Variants in TG observed in about 807,000 individuals in gnomAD.
TG encodes thyroglobulin, also known as thyroid hormones.
Under a neutral mutation model 324.7 loss-of-function variants are expected in TG, and 270 were observed. That is an observed-to-expected ratio of 0.83 (90% CI 0.75 to 0.92). TG has a LOEUF of 0.92. TG is among the 40% of genes least tolerant of loss of function. The pLI is 0.00. For missense variants in TG, 3,591 were observed against 3,456.4 expected, an observed-to-expected ratio of 1.04 and a Z score of -0.98; for synonymous variants, 1,401 against 1,327.0, an observed-to-expected ratio of 1.06 and a Z score of -1.21.
chr8:133,015,571 T>C (rs780941592), intron 37 of TG, among the ~76,000 whole-genome samples: 8 of 152,246 alleles, frequency 5.3e-5, no homozygotes, highest in Non-Finnish European at 1.2e-4. Flanking sequence ...ACCACTGCCA[T>C]GGGAAAGCAG....
intron 41 of TG, among the ~76,000 whole-genome samples, chr8:133,044,059 G>A (rs1337823559): frequency 6.6e-6 from 1 of 152,142 alleles, no homozygotes; most frequent in Non-Finnish European, 1.5e-5. Flanking sequence ...GGAACTACTA[G>A]TGTCTGCCTG....
intron 29 of TG, among the ~76,000 whole-genome samples, chr8:132,965,429 A>G (rs962378353): frequency 1.3e-5 from 2 of 152,220 alleles, no homozygotes; most frequent in African/African-American, 2.4e-5. Flanking sequence ...CTACAAGGAA[A>G]GTGCAGGGCC....
At chr8:132,948,660 C>T in intron 26 of TG, 116 bp from the exon 27 acceptor site, 1 of 1,118,510 alleles carries the variant, frequency 8.9e-7, no homozygotes, top group Non-Finnish European at 1.4e-6. Flanking sequence ...GTGTCTATGT[C>T]TTCTCCTGAG....
chr8:133,008,065 G>C (rs936024149), intron 35 of TG, among the ~76,000 whole-genome samples: 1 of 151,910 alleles, frequency 6.6e-6, no homozygotes, highest in African/African-American at 2.4e-5. Flanking sequence ...AAATATAATG[G>C]AATAATATCA....
At chr8:133,122,452 G>A (rs188129449) in intron 45 of TG, among the ~76,000 whole-genome samples, 1 of 152,290 alleles carries the variant, frequency 6.6e-6, no homozygotes, top group East Asian at 1.9e-4. Flanking sequence ...GAGCCAGTGA[G>A]TAGCAGTCTG....
chr8:133,133,802 T>C (rs1852135700), intron 47 of TG, 142 bp downstream of exon 47: 1 of 988,328 alleles, frequency 1.0e-6, no homozygotes, highest in African/African-American at 1.6e-5. Context: ...CTGTGAGTTG[T>C]TCATGGTCTG....
chr8:132,911,384 C>A lies in TG; in HGVS notation c.4010C>A (p.Thr1337Asn), dbSNP rs746111334. The A allele has an allele frequency of 1.2e-6, 2 of 1,614,190 alleles. No individual in the cohort carries two copies. Among genetic ancestry groups the A allele is most frequent in the Non-Finnish European group, 1.7e-6 (2 of 1,180,036 alleles). ...ARGFCQIQVK[T>N]FGTLVSIPVC... Reference sequence around the variant, plus strand: ...GTGTCTGTCTTCTTGTAGGTGAAGACTTTTGGCACCCTGGTTTCCATTCCT... The same window carrying A: ...GTGTCTGTCTTCTTGTAGGTGAAGAATTTTGGCACCCTGGTTTCCATTCCT... The change falls in exon 19 of 48, where the codon ACT becomes AAT. Residue 1337 changes from threonine to asparagine, a missense_variant. By Grantham distance (65) the Thr-to-Asn change is moderately conservative. Coordinates refer to ENST00000220616, the MANE Select transcript of TG (RefSeq NM_003235.5).
At position 132,887,429 on chromosome 8, in the gene TG, C is replaced by G; in HGVS notation, c.2057C>G (p.Ala686Gly). 6.2e-7 allele frequency: 1 copy of G among 1,614,148 alleles called. No individual in the cohort carries two copies. The highest frequency in any genetic ancestry group is 2.2e-5 in the East Asian group (1 of 44,872). The change falls in exon 9 of 48, where the codon GCT (alanine) becomes GGT (glycine). Residue 686 changes from alanine (A) to glycine (G), a missense_variant. Physicochemically the swap from Ala to Gly is moderately conservative, Grantham distance 60. Transcript: ENST00000220616. ...GCTGGCTCCACCTTGTTTGTCCCTGCTTGTACTAGTGAGGGACATTTCCTG... is the reference window on the plus strand; with the variant it reads ...GCTGGCTCCACCTTGTTTGTCCCTGGTTGTACTAGTGAGGGACATTTCCTG... ...QPAGSTLFVPACTSEGHFLPV... is the reference protein window; with the variant it reads ...QPAGSTLFVPGCTSEGHFLPV...
chr8:132,896,175 G>A (rs1817071411), intron 11 of TG, among the ~76,000 whole-genome samples: 1 of 152,244 alleles, frequency 6.6e-6, no homozygotes, highest in East Asian at 1.9e-4. Flanking sequence ...GTCTTGTTAG[G>A]TGAGTGTTAG....
intron 34 of TG, among the ~76,000 whole-genome samples, chr8:132,980,720 G>GTAGT (rs1455981419): frequency 5.3e-5 from 8 of 152,116 alleles, no homozygotes; most frequent in African/African-American, 1.9e-4. Context: ...TGAAATCCAG[G>GTAGT]TAGTTAGTGT....
intron 20 of TG, among the ~76,000 whole-genome samples, chr8:132,917,067 T>TTCCG: frequency 7.6e-6 from 1 of 131,960 alleles, no homozygotes; most frequent in Non-Finnish European, 1.6e-5. Flanking sequence ...CCTTCCTTCC[T>TTCCG]TCCTTCCTTC....
intron 27 of TG, among the ~76,000 whole-genome samples, chr8:132,953,025 G>A (rs1482076640): frequency 6.6e-6 from 1 of 152,168 alleles, no homozygotes; most frequent in Non-Finnish European, 1.5e-5. Context: ...AAAATTAAGG[G>A]GTCTCCGGTA....
intron 5 of TG, among the ~76,000 whole-genome samples, chr8:132,876,330 G>A (rs1813792797): frequency 6.6e-6 from 1 of 152,178 alleles, no homozygotes; most frequent in African/African-American, 2.4e-5. Flanking sequence ...GTCGGGGGGA[G>A]TCAAGAATGA....
intron 20 of TG, among the ~76,000 whole-genome samples, chr8:132,915,474 G>T (rs956975187): frequency 1.3e-5 from 2 of 152,180 alleles, no homozygotes; most frequent in Non-Finnish European, 2.9e-5. Flanking sequence ...AAAGAGTAGG[G>T]CCTGGGAATC....
chr8:133,009,396 C>T (rs1834298757), intron 35 of TG, among the ~76,000 whole-genome samples: 1 of 152,142 alleles, frequency 6.6e-6, no homozygotes, highest in Non-Finnish European at 1.5e-5. Flanking sequence ...GAAGACACAT[C>T]TCCTGAGTCT....
intron 8 of TG, among the ~76,000 whole-genome samples, chr8:132,885,369 A>G (rs1346937972): frequency 2.6e-5 from 4 of 152,164 alleles, no homozygotes; most frequent in Non-Finnish European, 5.9e-5. Context: ...CAAGAAGCTC[A>G]GAAGAATGTT....
rs769362434 is a variant in TG, at chr8:132,971,814, G to A, written c.5996G>A (p.Arg1999Gln). The A allele has an allele frequency of 5.2e-5, 84 of 1,613,418 alleles. No homozygotes were observed. Among genetic ancestry groups the A allele is most frequent in the East Asian group, 6.7e-5 (3 of 44,872 alleles). Residue 1999 changes from arginine to glutamine, a missense_variant, in exon 33 of 48, where the codon CGG becomes CAG. Physicochemically the swap from Arg to Gln is conservative, Grantham distance 43 (BLOSUM62 1). Transcript: ENST00000220616. ...ISNGFFECER[R>Q]CDADPCCTGF... ...GCCAGGTTCTTTGAATGTGAACGAC[G>A]GTGCGATGCGGACCCATGCTGCACT...
intron 41 of TG, among the ~76,000 whole-genome samples, chr8:133,075,383 C>A (rs1374416493): frequency 6.6e-6 from 1 of 152,118 alleles, no homozygotes; most frequent in East Asian, 1.9e-4. Context: ...CGAATGGACC[C>A]CAGAGCAATG....
intron 27 of TG, among the ~76,000 whole-genome samples, chr8:132,952,193 T>C (rs981964148): frequency 2.6e-5 from 4 of 152,312 alleles, no homozygotes; most frequent in African/African-American, 9.6e-5. Context: ...TGGTGGACTC[T>C]GACTCTCCAG....
Sources: allele counts gnomAD v4.1 joint callset (sites outside exome capture counted in the v4.1 genomes callset), GRCh38; gene constraint gnomAD v4.1.1; transcripts MANE v1.5; gene names NCBI Gene and HGNC (gene_info 2026-07-23, HGNC 2026-07-21).